Variants in SUPT3H observed in about 807,000 individuals in gnomAD.
The protein encoded by SUPT3H is SPT3 homolog, SAGA and STAGA complex component, also known as transcription initiation protein SPT3 homolog.
Under a neutral mutation model 44.3 loss-of-function variants are expected in SUPT3H, and 44 were observed. That is an observed-to-expected ratio of 0.99 (90% confidence interval 0.78 to 1.28). SUPT3H has a LOEUF of 1.28. SUPT3H is among the 50% of genes most tolerant of loss of function. SUPT3H has a pLI of 0.00. For missense variants in SUPT3H, 380 were observed against 387.1 expected, an observed-to-expected ratio of 0.98 and a Z score of 0.15; for synonymous variants, 124 against 125.6, an observed-to-expected ratio of 0.99 and a Z score of 0.09.
At chr6:44,856,489 T>A (rs1014000258) in intron 10 of SUPT3H, among the ~76,000 whole-genome samples, 2 of 152,226 alleles carry the variant, frequency 1.3e-5, no homozygotes, top group Non-Finnish European at 2.9e-5. Flanking sequence ...GCAACATAAT[T>A]CCCTCATGCA....
At chr6:44,954,638 T>A in intron 7 of SUPT3H, 31 bp from the exon 8 acceptor site, 2 of 1,385,836 alleles carry the variant, frequency 1.4e-6, no homozygotes, top group Non-Finnish European at 1.0e-6. Flanking sequence ...AGTGCAGAAA[T>A]TTTAATTTTT....
rs970995772 is a variant in SUPT3H, at chr6:45,266,890, G to T, written c.101+98311C>A. On this transcript the variant is annotated intron_variant, in intron 2 of 10. Coordinates refer to ENST00000371459, the MANE Select transcript of SUPT3H (RefSeq NM_003599.4). ...AATGCTCCAAAATCCAAAAGTTTTTGAGCACCAGCATGGTATCTACAAGGG... is the reference window on the plus strand; with the variant it reads ...AATGCTCCAAAATCCAAAAGTTTTTTAGCACCAGCATGGTATCTACAAGGG... 2.0e-5 allele frequency among the ~76,000 whole-genome samples: 3 copies of T among 152,120 alleles called. No homozygotes were observed. In the East Asian group the frequency reaches 5.8e-4, roughly 29 times the overall value.
intron 6 of SUPT3H, among the ~76,000 whole-genome samples, chr6:44,969,924 A>C (rs534804920): frequency 5.3e-4 from 81 of 152,314 alleles, no homozygotes; most frequent in African/African-American, 1.8e-3. Flanking sequence ...TAGACCCTAG[A>C]AGATTCAAAG....
chr6:44,901,841 A>G (rs537354362), intron 10 of SUPT3H, among the ~76,000 whole-genome samples: 2 of 152,352 alleles, frequency 1.3e-5, no homozygotes, highest in East Asian at 3.9e-4. Context: ...GAAACTCTAC[A>G]AGCCAGAAGA....
At chr6:45,347,027 G>A (rs1260589498) in intron 2 of SUPT3H, among the ~76,000 whole-genome samples, 1 of 151,976 alleles carries the variant, frequency 6.6e-6, no homozygotes, top group Non-Finnish European at 1.5e-5. Context: ...TAACTTACAT[G>A]GCTGAAAAGA....
chr6:45,228,444 T>C (rs2153638708), intron 2 of SUPT3H, among the ~76,000 whole-genome samples: 1 of 152,268 alleles, frequency 6.6e-6, no homozygotes, highest in African/African-American at 2.4e-5. Context: ...CCTATTGTCT[T>C]AAACCTGAAA....
At chr6:45,222,078 C>A (rs1766155511) in intron 2 of SUPT3H, among the ~76,000 whole-genome samples, 1 of 151,126 alleles carries the variant, frequency 6.6e-6, no homozygotes, top group African/African-American at 2.4e-5. Flanking sequence ...CATTCATAGG[C>A]AAAAAAATAA....
At chr6:45,018,272 T>G (rs1204269847) in intron 4 of SUPT3H, among the ~76,000 whole-genome samples, 1 of 152,172 alleles carries the variant, frequency 6.6e-6, no homozygotes, top group Non-Finnish European at 1.5e-5. Flanking sequence ...TTTCTAGATA[T>G]ATAATCATGT....
intron 2 of SUPT3H, among the ~76,000 whole-genome samples, chr6:45,250,303 T>C (rs144691822): frequency 1.1e-4 from 17 of 151,242 alleles, no homozygotes; most frequent in Non-Finnish European, 2.5e-4. Context: ...CTTACATCTA[T>C]GAAAAGACCC....
At chr6:45,221,276 C>T (rs527328961) in intron 2 of SUPT3H, among the ~76,000 whole-genome samples, 73 of 152,114 alleles carry the variant, frequency 4.8e-4, no homozygotes, top group Non-Finnish European at 5.3e-4. Flanking sequence ...ATGTAAATGA[C>T]GAGTTAATGG....
At chr6:44,933,312 TTC>T (rs541637191) in intron 9 of SUPT3H, among the ~76,000 whole-genome samples, 9 of 152,126 alleles carry the variant, frequency 5.9e-5, no homozygotes, top group Non-Finnish European at 8.8e-5. Flanking sequence ...ACCAACAACT[TTC>T]TGTTTTAATT....
At chr6:45,189,873 T>C (rs1814851944) in intron 2 of SUPT3H, among the ~76,000 whole-genome samples, 2 of 152,182 alleles carry the variant, frequency 1.3e-5, no homozygotes, top group Admixed American at 6.5e-5. Flanking sequence ...TTAATAAGCA[T>C]AGGATTGGAA....
intron 9 of SUPT3H, among the ~76,000 whole-genome samples, chr6:44,937,065 T>G (rs571734839): frequency 3.3e-5 from 5 of 152,350 alleles, no homozygotes; most frequent in African/African-American, 1.2e-4. Context: ...ACTGCATCTT[T>G]GCCAAAGTAA....
chr6:44,986,867 C>T (rs1023824067), intron 6 of SUPT3H, among the ~76,000 whole-genome samples: 6 of 151,916 alleles, frequency 3.9e-5, no homozygotes, highest in East Asian at 3.9e-4. Flanking sequence ...TAAAAGATCA[C>T]GGATGATAAG....
chr6:45,314,489 T>C (rs935021318), intron 2 of SUPT3H, among the ~76,000 whole-genome samples: 1 of 152,172 alleles, frequency 6.6e-6, no homozygotes, highest in Admixed American at 6.5e-5. Flanking sequence ...AGCTCTTCTA[T>C]ATACCAACAG....
intron 2 of SUPT3H, among the ~76,000 whole-genome samples, chr6:45,340,714 C>CAT: frequency 6.6e-6 from 1 of 152,136 alleles, no homozygotes; most frequent in East Asian, 1.9e-4. Context: ...CCACAATACA[C>CAT]ATATATACTC....
At chr6:44,981,628 T>C (rs912261520) in intron 6 of SUPT3H, among the ~76,000 whole-genome samples, 3 of 152,126 alleles carry the variant, frequency 2.0e-5, no homozygotes, top group Non-Finnish European at 2.9e-5. Context: ...AATCAGAAGA[T>C]CTGGACTCTA....
chr6:44,953,202 T>A (rs570329625), intron 9 of SUPT3H, 108 bp downstream of exon 9: 2 of 808,606 alleles, frequency 2.5e-6, no homozygotes, highest in South Asian at 3.4e-5. Flanking sequence ...ATTCTTTGAC[T>A]GAAGGTTATA....
chr6:45,115,103 T>C (rs1800646652), intron 2 of SUPT3H, among the ~76,000 whole-genome samples: 2 of 152,144 alleles, frequency 1.3e-5, no homozygotes, highest in South Asian at 4.1e-4. Flanking sequence ...CACCTCATAG[T>C]CATAGAGGAC....
Sources: allele counts gnomAD v4.1 joint callset (sites outside exome capture counted in the v4.1 genomes callset), GRCh38; gene constraint gnomAD v4.1.1; transcripts MANE v1.5; gene names NCBI Gene and HGNC (gene_info 2026-07-23, HGNC 2026-07-21).